The following WDR70 variants were observed in gnomAD, a reference collection of about 807,000 sequenced individuals.
WDR70 encodes the protein WD repeat domain 70.
A neutral mutation model predicts 88.6 loss-of-function variants in WDR70; 53 were observed. The observed-to-expected ratio is 0.60, with a 90% CI of 0.48 to 0.75. The LOEUF (loss-of-function observed/expected upper bound fraction) is 0.75. WDR70 is among the 30% of genes least tolerant of loss of function. WDR70 has a pLI of 0.00. For synonymous variants in WDR70, 280 were observed against 270.0 expected (o/e 1.04, Z -0.36); for missense variants, 610 against 823.2 (o/e 0.74, Z 3.17).
At chr5:37,405,412 C>T (rs1163832515) in intron 5 of WDR70, among the ~76,000 whole-genome samples, 3 of 150,770 alleles carry the variant, frequency 2.0e-5, no homozygotes, top group Middle Eastern at 3.2e-3. Context: ...TGCAATGGTG[C>T]GATTTTGGCT....
chr5:37,630,414 C>G (rs1228967425), intron 10 of WDR70, among the ~76,000 whole-genome samples: 1 of 152,114 alleles, frequency 6.6e-6, no homozygotes, highest in East Asian at 1.9e-4. Flanking sequence ...GGGGGTTGGG[C>G]AGGACATGTC....
rs1739257465 is a variant in WDR70 at position 37,469,323 on chromosome 5, A to G, written c.687-10511A>G. Among the ~76,000 whole-genome samples, 3 of 152,338 alleles carry G rather than the reference A, an allele frequency of 2.0e-5. 1 individual carries two copies. The highest frequency in any genetic ancestry group is 4.8e-5 in the African/African-American group (2 of 41,590). On this transcript the variant is annotated intron_variant, in intron 7 of 17. Transcript: ENST00000265107. Reference sequence around the variant, plus strand: ...AAAGGATCCTCTTGTTCTCGAGCCTATAAAAAGAGCTAATGGTCTTGCTTC... The same window carrying G: ...AAAGGATCCTCTTGTTCTCGAGCCTGTAAAAAGAGCTAATGGTCTTGCTTC...
chr5:37,477,383 TC>T (rs1265550707), intron 7 of WDR70, among the ~76,000 whole-genome samples: 4 of 152,352 alleles, frequency 2.6e-5, no homozygotes, highest in Admixed American at 6.5e-5. Context: ...CCTGTTACCT[TC>T]CTAGCTTTAT....
At chr5:37,551,723 TTCTC>T (rs1303948418) in intron 9 of WDR70, among the ~76,000 whole-genome samples, 44 of 147,128 alleles carry the variant, frequency 3.0e-4, no homozygotes, top group Admixed American at 1.8e-3. Context: ...GTGAGACTCT[TTCTC>T]AAAAAAAAAA....
At chr5:37,745,437 T>C (rs1043060264) in intron 17 of WDR70, among the ~76,000 whole-genome samples, 1 of 151,358 alleles carries the variant, frequency 6.6e-6, no homozygotes, top group African/African-American at 2.4e-5. Context: ...TAACCTTAAA[T>C]GTAAATGGGC....
At chr5:37,694,823 T>C (rs182357693) in intron 10 of WDR70, among the ~76,000 whole-genome samples, 2 of 147,588 alleles carry the variant, frequency 1.4e-5, no homozygotes, top group East Asian at 4.0e-4. Context: ...TGTGCACATG[T>C]ACCCTATAAC....
At chr5:37,746,930 C>A (rs182830298) in intron 17 of WDR70, among the ~76,000 whole-genome samples, 5 of 152,272 alleles carry the variant, frequency 3.3e-5, no homozygotes, top group African/African-American at 4.8e-5. Context: ...AAGCCAGCAT[C>A]ATCTTGATAC....
intron 10 of WDR70, among the ~76,000 whole-genome samples, chr5:37,689,410 C>T (rs937139958): frequency 6.6e-6 from 1 of 152,208 alleles, no homozygotes; most frequent in Non-Finnish European, 1.5e-5. Flanking sequence ...CCTGTGTAGC[C>T]TAACTGGGAG....
chr5:37,559,932 T>A (rs1742449670), intron 9 of WDR70, among the ~76,000 whole-genome samples: 2 of 152,170 alleles, frequency 1.3e-5, no homozygotes, highest in South Asian at 4.1e-4. Flanking sequence ...ATTGTTTTTC[T>A]TATATTTAAA....
At chr5:37,430,998 C>T (rs1456307376) in intron 5 of WDR70, among the ~76,000 whole-genome samples, 1 of 152,084 alleles carries the variant, frequency 6.6e-6, no homozygotes, top group Non-Finnish European at 1.5e-5. Flanking sequence ...GGACTACAGG[C>T]TTGTGCCACC....
chr5:37,408,948 A>T, intron 5 of WDR70, among the ~76,000 whole-genome samples: 1 of 152,006 alleles, frequency 6.6e-6, no homozygotes, highest in South Asian at 2.1e-4. Flanking sequence ...CATTTTTATT[A>T]TTATTTTTTA....
chr5:37,503,082 G>A (rs1463638739), intron 8 of WDR70, among the ~76,000 whole-genome samples: 1 of 152,088 alleles, frequency 6.6e-6, no homozygotes, highest in Non-Finnish European at 1.5e-5. Flanking sequence ...ATGGGCTGCT[G>A]GATTACGTTT....
At chr5:37,689,557 T>C (rs2112633570) in intron 10 of WDR70, among the ~76,000 whole-genome samples, 1 of 152,356 alleles carries the variant, frequency 6.6e-6, no homozygotes, top group East Asian at 1.9e-4. Flanking sequence ...CTGGTGATAC[T>C]CAGGCAAACA....
intron 4 of WDR70, among the ~76,000 whole-genome samples, chr5:37,393,426 T>G (rs1748909834): frequency 6.6e-6 from 1 of 152,218 alleles, no homozygotes; most frequent in Admixed American, 6.5e-5. Context: ...TTTGCTTTAT[T>G]CTTTGCCTAG....
intron 9 of WDR70, among the ~76,000 whole-genome samples, chr5:37,527,129 T>C (rs1202908866): frequency 6.9e-6 from 1 of 145,586 alleles, no homozygotes; most frequent in Non-Finnish European, 1.5e-5. Context: ...GGAAAAAAAC[T>C]ACTTTTAAAG....
intron 10 of WDR70, among the ~76,000 whole-genome samples, chr5:37,663,550 G>A (rs1177145449): frequency 6.6e-6 from 1 of 152,046 alleles, no homozygotes; most frequent in Non-Finnish European, 1.5e-5. Context: ...TCTATGTCCA[G>A]TTAATTCTTG....
At chr5:37,383,883 A>G (rs367659505) in intron 3 of WDR70, among the ~76,000 whole-genome samples, 3 of 152,100 alleles carry the variant, frequency 2.0e-5, no homozygotes, top group African/African-American at 2.4e-5. Flanking sequence ...GCACCCAGCA[A>G]AACCCTTCAT....
intron 10 of WDR70, among the ~76,000 whole-genome samples, chr5:37,636,046 C>G (rs981019751): frequency 1.3e-5 from 2 of 152,154 alleles, no homozygotes; most frequent in African/African-American, 2.4e-5. Context: ...AACTGTAAGT[C>G]AATTAAACCT....
At chr5:37,656,472 T>C (rs1247653660) in intron 10 of WDR70, among the ~76,000 whole-genome samples, 2 of 152,246 alleles carry the variant, frequency 1.3e-5, no homozygotes, top group Admixed American at 6.5e-5. Context: ...GCTCAAGCGC[T>C]GTGCTGGGAG....
Sources: gnomAD v4.1 joint callset for allele counts (sites outside exome capture counted in the v4.1 genomes callset) on GRCh38, gnomAD v4.1.1 for gene constraint, MANE v1.5 for transcripts, NCBI Gene and HGNC (gene_info 2026-07-23, HGNC 2026-07-21) for gene names.